PLEKHB2: variants seen among roughly 807,000 people sequenced by gnomAD.
The protein encoded by PLEKHB2 is pleckstrin homology domain containing B2, also known as pleckstrin homology domain-containing family B member 2.
Under a neutral mutation model 36.5 loss-of-function variants are expected in PLEKHB2, and 31 were observed. The ratio of observed to expected loss-of-function variants is 0.85; its 90% CI spans 0.64 to 1.15. The LOEUF is 1.15. PLEKHB2 is among the 50% of genes most tolerant of loss of function. PLEKHB2 has a pLI of 0.00. For missense variants in PLEKHB2, 262 were observed against 295.3 expected, an observed-to-expected ratio of 0.89 and a Z score of 0.83; for synonymous variants, 119 against 112.0, an observed-to-expected ratio of 1.06 and a Z score of -0.39.
chr2:131,109,707 A>C (rs1220861259), intron 1 of PLEKHB2, among the ~76,000 whole-genome samples: 6 of 151,962 alleles, frequency 3.9e-5, no homozygotes, highest in Admixed American at 2.0e-4. Context: ...AACAAACAAA[A>C]AAAACAACCA....
intron 1 of PLEKHB2, among the ~76,000 whole-genome samples, chr2:131,109,198 A>G (rs1001750429): frequency 6.6e-6 from 1 of 152,190 alleles, no homozygotes; most frequent in Non-Finnish European, 1.5e-5. Context: ...GATCAAAATC[A>G]TACTTCATGA....
At chr2:131,140,411 T>C (rs1698670689) in intron 7 of PLEKHB2, 136 bp downstream of exon 7, 1 of 582,232 alleles carries the variant, frequency 1.7e-6, no homozygotes, top group Non-Finnish European at 3.0e-6. Context: ...AATCACTCTG[T>C]TACTATGCTT....
intron 4 of PLEKHB2, among the ~76,000 whole-genome samples, chr2:131,128,467 T>G (rs369163778): frequency 5.3e-5 from 8 of 152,364 alleles, no homozygotes; most frequent in African/African-American, 1.7e-4. Context: ...TGTATCTCCC[T>G]GTCCCCATAC....
intron 2 of PLEKHB2, among the ~76,000 whole-genome samples, chr2:131,123,900 G>A (rs1696825038): frequency 6.6e-6 from 1 of 150,658 alleles, no homozygotes; most frequent in Admixed American, 6.6e-5. Context: ...CTAGGCTGGA[G>A]TGCAGTGGCG....
intron 6 of PLEKHB2, among the ~76,000 whole-genome samples, chr2:131,137,246 C>G (rs1350718297): frequency 6.6e-6 from 1 of 152,216 alleles, no homozygotes; most frequent in Non-Finnish European, 1.5e-5. Flanking sequence ...TGTGCCCGGC[C>G]TCTTTTTACT....
intron 1 of PLEKHB2, among the ~76,000 whole-genome samples, chr2:131,116,461 C>G (rs2104807764): frequency 6.6e-6 from 1 of 152,340 alleles, no homozygotes; most frequent in East Asian, 1.9e-4. Flanking sequence ...CTCAAGAGTT[C>G]TGCAGACTGT....
chr2:131,139,048 G>T (rs764222664), intron 6 of PLEKHB2, among the ~76,000 whole-genome samples: 3 of 152,356 alleles, frequency 2.0e-5, no homozygotes, highest in Non-Finnish European at 4.4e-5. Flanking sequence ...AGGCTTTTAT[G>T]TGGTGGTTCC....
chr2:131,144,193 T>C (rs1418494450), intron 7 of PLEKHB2, among the ~76,000 whole-genome samples: 2 of 152,182 alleles, frequency 1.3e-5, no homozygotes, highest in Non-Finnish European at 2.9e-5. Flanking sequence ...CTCCTAGTCA[T>C]GCACAGAGCT....
chr2:131,126,371 C>A (rs1697106435), intron 3 of PLEKHB2, among the ~76,000 whole-genome samples: 1 of 152,078 alleles, frequency 6.6e-6, no homozygotes, highest in Non-Finnish European at 1.5e-5. Flanking sequence ...ACTAAAAATA[C>A]AAAAAAATTA....
intron 4 of PLEKHB2, chr2:131,127,006 A>G (rs962355952): frequency 2.0e-6 from 1 of 489,154 alleles, no homozygotes; most frequent in Non-Finnish European, 3.6e-6. Flanking sequence ...AATGGCAGAA[A>G]GGAATAGCAG....
chr2:131,140,819 TGTGG>T (rs1698712777), intron 7 of PLEKHB2, among the ~76,000 whole-genome samples: 1 of 151,924 alleles, frequency 6.6e-6, no homozygotes, highest in Non-Finnish European at 1.5e-5. Flanking sequence ...AGGGTGGAGG[TGTGG>T]GACAATGCTG....
intron 4 of PLEKHB2, 142 bp from the exon 5 acceptor site, chr2:131,130,579 G>T (rs563366188): frequency 1.5e-6 from 1 of 684,212 alleles, no homozygotes; most frequent in South Asian, 1.6e-5. Context: ...TATTCCTAGT[G>T]CATGTCTCAA....
At position 131,120,933 on chromosome 2, in the gene PLEKHB2, G is replaced by GGTGAAGAGATGGCGTTT; in HGVS notation, c.1_17dup. The GGTGAAGAGATGGCGTTT allele has an allele frequency of 6.2e-7, 1 of 1,614,194 alleles. No individual in the cohort carries two copies. The highest frequency in any genetic ancestry group is 8.5e-7 in the Non-Finnish European group (1 of 1,179,986). On this transcript the variant is annotated splice_region_variant and 5_prime_UTR_variant. Coordinates refer to ENST00000693505, the MANE Select transcript of PLEKHB2 (RefSeq NM_001100623.2). ...TGAACCTGCCTGTTTTTGTTCTGTA[G>GGTGAAGAGATGGCGTTT]GTGAAGAGATGGCGTTTGTGAAGAG...
intron 1 of PLEKHB2, among the ~76,000 whole-genome samples, chr2:131,110,295 C>T (rs947129204): frequency 6.6e-5 from 10 of 150,666 alleles, no homozygotes; most frequent in Middle Eastern, 3.5e-3. Context: ...CTGTAGTACT[C>T]GGTCCTGCTC....
Position 131,138,035 on chromosome 2 carries a change from T to TTTTG in PLEKHB2, c.424-2131_424-2130insTTGT, listed in dbSNP as rs1399097042. Among the ~76,000 whole-genome samples, 3 of 151,144 alleles carry TTTTG rather than the reference T, an allele frequency of 2.0e-5. No individual in the cohort carries two copies. In the East Asian group the frequency reaches 5.8e-4, roughly 29 times the overall value. ...TGCTCATTTTTTTTTTTTTTTTTTT[T>TTTTG]TACTTCAATCTATTGTTCCTCTGTT... On this transcript the variant is annotated intron_variant, in intron 6 of 7. Coordinates refer to ENST00000693505, the MANE Select transcript of PLEKHB2 (RefSeq NM_001100623.2).
Position 131,146,740 on chromosome 2 carries a change from C to T in PLEKHB2, c.636C>T (p.Gly212=). The change falls in exon 8 of 8, where the codon GGC becomes GGT. Residue 212 remains glycine (G), a synonymous_variant. Transcript: ENST00000693505. ...ALGMLAGAAT[G]MALGSLFWVF ...GCATGCTGGCAGGAGCAGCCACGGG[C>T]ATGGCCTTAGGGTCTCTATTTTGGG... is the stretch of plus-strand genomic sequence containing the variant. 1.2e-6 allele frequency: 2 copies of T among 1,613,842 alleles called. No individual in the cohort carries two copies. The highest frequency in any genetic ancestry group is 1.7e-6 in the Non-Finnish European group (2 of 1,179,852).
In PLEKHB2 at chr2:131,143,203, A is replaced by G. The variant is rs530026715; in HGVS notation, c.532+2928A>G. On this transcript the variant is annotated intron_variant, in intron 7 of 7. Transcript: ENST00000693505. ...TAGGCGTATTAAATGCATTTTGACTATGATGTTTTCAACTTATGATGGGTT... is the reference window on the plus strand; with the variant it reads ...TAGGCGTATTAAATGCATTTTGACTGTGATGTTTTCAACTTATGATGGGTT... 3.5e-4 allele frequency among the ~76,000 whole-genome samples: 53 copies of G among 152,328 alleles called. 2 individuals carry two copies. The South Asian group carries it at 0.01, about 30-fold the overall frequency.
At chr2:131,122,889 C>T (rs566188755) in intron 2 of PLEKHB2, among the ~76,000 whole-genome samples, 1 of 152,168 alleles carries the variant, frequency 6.6e-6, no homozygotes, top group Non-Finnish European at 1.5e-5. Flanking sequence ...GTCTCAACGT[C>T]CCCATGGTCA....
intron 1 of PLEKHB2, among the ~76,000 whole-genome samples, chr2:131,109,346 T>C (rs1430675163): frequency 6.6e-6 from 1 of 152,182 alleles, no homozygotes; most frequent in Non-Finnish European, 1.5e-5. Context: ...TAATTCAGGT[T>C]ATTGTTTACA....
Sources: gnomAD v4.1 joint callset for allele counts (sites outside exome capture counted in the v4.1 genomes callset) on GRCh38, gnomAD v4.1.1 for gene constraint, MANE v1.5 for transcripts, NCBI Gene and HGNC (gene_info 2026-07-23, HGNC 2026-07-21) for gene names.